The following NGEF variants were observed in gnomAD, a reference collection of about 807,000 sequenced individuals.
The protein encoded by NGEF is neuronal guanine nucleotide exchange factor, also known as ephexin-1.
Under a neutral mutation model 80.9 loss-of-function variants are expected in NGEF, and 31 were observed. The ratio of observed to expected loss-of-function variants is 0.38; its 90% CI spans 0.29 to 0.52. The LOEUF (loss-of-function observed/expected upper bound fraction) is 0.52, where lower values mean the gene tolerates loss of function less well. Among genes scored for constraint, NGEF ranks in the 20% least tolerant of loss-of-function variants. NGEF has a pLI of 0.84. For synonymous variants in NGEF, 371 were observed against 370.2 expected, an observed-to-expected ratio of 1.00 and a Z score of -0.03; for missense variants, 709 against 926.2, an observed-to-expected ratio of 0.77 and a Z score of 3.04.
At chr2:232,960,031 G>A (rs1311473164) in intron 3 of NGEF, among the ~76,000 whole-genome samples, 2 of 152,228 alleles carry the variant, frequency 1.3e-5, no homozygotes, top group Non-Finnish European at 2.9e-5. Flanking sequence ...TGACTCCCAC[G>A]TTTAATGCAG....
chr2:232,925,085 T>C lies in NGEF; in HGVS notation c.526+1959A>G, dbSNP rs193128561. Among the ~76,000 whole-genome samples, 84 of 152,378 alleles carry C rather than the reference T, an allele frequency of 5.5e-4. 1 individual carries two copies. In the South Asian group the frequency reaches 7.7e-3, roughly 14 times the overall value. The stretch of plus-strand genomic sequence containing the variant: ...CCTATTTTATATATTGTACATTTAG[T>C]CGGCACAACTTTAAATGGAAATAAA... On this transcript the variant is annotated intron_variant, in intron 4 of 14. Transcript: ENST00000264051.
chr2:232,970,383 G>GCA (rs1694161410), intron 2 of NGEF, 55 bp from the exon 3 acceptor site: 1 of 1,162,276 alleles, frequency 8.6e-7, no homozygotes. Flanking sequence ...CCCTTTTCAG[G>GCA]CAATTCTCTG....
At chr2:232,999,752 C>T (rs1452114977) in intron 1 of NGEF, among the ~76,000 whole-genome samples, 3 of 152,208 alleles carry the variant, frequency 2.0e-5, no homozygotes, top group Non-Finnish European at 2.9e-5. Context: ...GCAGACGCTA[C>T]GTAAAAGTGG....
intron 2 of NGEF, among the ~76,000 whole-genome samples, chr2:232,973,774 C>T (rs777147161): frequency 3.9e-5 from 6 of 152,204 alleles, no homozygotes; most frequent in Non-Finnish European, 7.3e-5. Context: ...AACCAACCCC[C>T]AGAATCATGA....
At chr2:232,908,603 G>A (rs1692628492) in intron 5 of NGEF, among the ~76,000 whole-genome samples, 2 of 151,788 alleles carry the variant, frequency 1.3e-5, no homozygotes, top group Admixed American at 6.6e-5. Flanking sequence ...AGGGTCTTGC[G>A]ATGTTGCCCA....
chr2:232,942,904 C>CTTT (rs60735452), intron 3 of NGEF, among the ~76,000 whole-genome samples: 2 of 117,896 alleles, frequency 1.7e-5, no homozygotes, highest in African/African-American at 6.6e-5. Context: ...AGTGAAATTT[C>CTTT]TTTTTTTTTT....
At chr2:232,906,118 T>G (rs1575007738) in intron 5 of NGEF, among the ~76,000 whole-genome samples, 8 of 67,288 alleles carry the variant, frequency 1.2e-4, no homozygotes, top group East Asian at 4.2e-4. Context: ...GGGAGGGAGG[T>G]GGGGGTCTCA....
intron 3 of NGEF, among the ~76,000 whole-genome samples, chr2:232,968,654 C>T (rs1482662669): frequency 1.3e-5 from 2 of 152,146 alleles, no homozygotes; most frequent in East Asian, 1.9e-4. Context: ...GATCCACCCG[C>T]CTCAGTCTTC....
rs533592145 is a variant in NGEF, at chr2:232,905,706, C to T, written c.829-10790G>A. On this transcript the variant is annotated intron_variant, in intron 5 of 14. Transcript: ENST00000264051. Reference sequence around the variant, plus strand: ...CCATCTAGGAAGTGAAGAGCATCTCCGCCCGGCCGCCCATCGTCTGAGATG... The same window carrying T: ...CCATCTAGGAAGTGAAGAGCATCTCTGCCCGGCCGCCCATCGTCTGAGATG... 907 of 395,038 alleles carry T rather than the reference C, an allele frequency of 2.3e-3. 5 individuals are homozygous for T. Among genetic ancestry groups the T allele is most frequent in the African/African-American group, 0.018 (805 of 45,366 alleles). 24.5% of individuals were successfully genotyped at this position (395,038 alleles called of 1,614,324 possible).
intron 1 of NGEF, among the ~76,000 whole-genome samples, chr2:233,008,928 G>A (rs1243890825): frequency 1.3e-5 from 2 of 151,912 alleles, no homozygotes; most frequent in African/African-American, 2.4e-5. Context: ...AGCCTCCCGA[G>A]TAGCTGGGAT....
chr2:232,880,895 G>A (rs1691480078), intron 14 of NGEF, among the ~76,000 whole-genome samples: 1 of 152,068 alleles, frequency 6.6e-6, no homozygotes, highest in Non-Finnish European at 1.5e-5. Context: ...GGCCCACTGC[G>A]AAGGAGGAAA....
intron 4 of NGEF, among the ~76,000 whole-genome samples, chr2:232,924,777 T>C (rs1320228648): frequency 6.6e-6 from 1 of 152,212 alleles, no homozygotes; most frequent in African/African-American, 2.4e-5. Context: ...TTGTTAGATA[T>C]TCTGTTACCT....
intron 5 of NGEF, among the ~76,000 whole-genome samples, chr2:232,917,446 G>C (rs1692828578): frequency 6.6e-6 from 1 of 151,622 alleles, no homozygotes; most frequent in Non-Finnish European, 1.5e-5. Flanking sequence ...GCATAGAGGA[G>C]TTACGTATTT....
intron 3 of NGEF, chr2:232,928,089 C>T (rs1263775615): frequency 5.5e-6 from 6 of 1,096,684 alleles, no homozygotes; most frequent in Non-Finnish European, 4.4e-6. Flanking sequence ...GGCTGCGGAG[C>T]GGGGTCGCAG....
chr2:232,932,372 G>A (rs919824526), intron 3 of NGEF, among the ~76,000 whole-genome samples: 8 of 151,820 alleles, frequency 5.3e-5, no homozygotes, highest in African/African-American at 1.9e-4. Flanking sequence ...TCACCATGTT[G>A]GCCGGGCTGG....
At position 232,891,001 on chromosome 2, in the gene NGEF, C is replaced by T. The variant is rs868474579; in HGVS notation, c.1272+357G>A. 12 of 483,554 alleles carry T rather than the reference C, an allele frequency of 2.5e-5. No individual in the cohort carries two copies. The Middle Eastern group carries it at 3.5e-3, about 141-fold the overall frequency. The allele number at this position is 483,554 out of a possible 1,614,324, so 30.0% of individuals were successfully genotyped here. Reference sequence around the variant, plus strand: ...GGAATGTTCTTTCCTCTACCTGCCCCCACCAGCTCCTCCCTGTCAGCCAGG... The same window carrying T: ...GGAATGTTCTTTCCTCTACCTGCCCTCACCAGCTCCTCCCTGTCAGCCAGG... On this transcript the variant is annotated intron_variant, in intron 8 of 14. Transcript: ENST00000264051.
At chr2:232,959,353 C>T (rs371878762) in intron 3 of NGEF, among the ~76,000 whole-genome samples, 2 of 152,176 alleles carry the variant, frequency 1.3e-5, no homozygotes, top group South Asian at 2.1e-4. Context: ...CTGTTTTACC[C>T]AGTGCTTGTC....
At chr2:232,932,655 A>G (rs115028367) in intron 3 of NGEF, among the ~76,000 whole-genome samples, 1,625 of 152,176 alleles carry the variant, frequency 0.011, 13 homozygotes, top group Non-Finnish European at 0.018. Context: ...AACAACAGAA[A>G]TTTATTTCTC....
chr2:233,013,010 C>A (rs944087876), intron 1 of NGEF, 58 bp downstream of exon 1: 2 of 458,004 alleles, frequency 4.4e-6, no homozygotes, highest in Non-Finnish European at 9.1e-6. Flanking sequence ...AGCCTCTGTT[C>A]CTTCTCTTGT....
Sources: gnomAD v4.1 joint callset for allele counts (sites outside exome capture counted in the v4.1 genomes callset) on GRCh38, gnomAD v4.1.1 for gene constraint, MANE v1.5 for transcripts, NCBI Gene and HGNC (gene_info 2026-07-23, HGNC 2026-07-21) for gene names.